Variants in LRBA observed in about 807,000 individuals in gnomAD.
LRBA encodes the protein lipopolysaccharide-responsive and beige-like anchor protein.
A neutral mutation model predicts 330.0 loss-of-function variants in LRBA; 176 were observed. The observed-to-expected ratio is 0.53, with a 90% CI of 0.47 to 0.60. LRBA has a LOEUF of 0.60. LRBA is among the 20% of genes least tolerant of loss of function. The pLI is 0.00. For synonymous variants in LRBA, 1,230 were observed against 1,193.0 expected, an observed-to-expected ratio of 1.03 and a Z score of -0.64; for missense variants, 3,259 against 3,444.8, an observed-to-expected ratio of 0.95 and a Z score of 1.35.
chr4:150,485,019 A>G (rs1409459701), intron 42 of LRBA, among the ~76,000 whole-genome samples: 4 of 151,986 alleles, frequency 2.6e-5, no homozygotes, highest in African/African-American at 9.7e-5. Context: ...ATCTTTCTAA[A>G]CATTTTGAGA....
intron 40 of LRBA, among the ~76,000 whole-genome samples, chr4:150,577,778 A>C (rs115349053): frequency 0.017 from 2,635 of 152,298 alleles, 84 homozygotes; most frequent in African/African-American, 0.059. Flanking sequence ...TAACAAATGC[A>C]CTGACGTTAA....
chr4:150,373,211 C>G (rs542810777), intron 47 of LRBA, among the ~76,000 whole-genome samples: 2 of 146,898 alleles, frequency 1.4e-5, no homozygotes, highest in East Asian at 2.0e-4. Flanking sequence ...GACTATGACC[C>G]AGAGCCACCT....
intron 4 of LRBA, among the ~76,000 whole-genome samples, chr4:150,922,394 G>GTATGTATATA (rs1554000212): frequency 7.2e-6 from 1 of 139,708 alleles, no homozygotes; most frequent in Admixed American, 7.2e-5. Flanking sequence ...AGAAACTGTG[G>GTATGTATATA]TATATATATA....
At chr4:150,569,480 T>C (rs1481374018) in intron 40 of LRBA, among the ~76,000 whole-genome samples, 1 of 152,166 alleles carries the variant, frequency 6.6e-6, no homozygotes, top group Non-Finnish European at 1.5e-5. Context: ...TTTGTTCAGC[T>C]TGCGTAAGTC....
At chr4:150,566,787 C>T (rs1417905122) in intron 40 of LRBA, among the ~76,000 whole-genome samples, 1 of 151,984 alleles carries the variant, frequency 6.6e-6, no homozygotes. Context: ...TAAAAATACA[C>T]AGAAAGTACT....
rs74433395 is a variant in LRBA at position 150,319,223 on chromosome 4, G to A, written c.7630+1968C>T. On this transcript the variant is annotated intron_variant, in intron 50 of 56. Coordinates refer to ENST00000651943, the MANE Select transcript of LRBA (RefSeq NM_001364905.1). The stretch of plus-strand genomic sequence containing the variant: ...GCTCTTCCTAGGCTAAAGTAAAGAT[G>A]GGGGCAGAGTACAGTCAGGGCTTTC... 2.0e-5 allele frequency among the ~76,000 whole-genome samples: 3 copies of A among 152,236 alleles called. No individual in the cohort carries two copies. In the South Asian group the frequency reaches 6.2e-4, roughly 32 times the overall value.
At chr4:150,497,349 GA>G (rs1759712085) in intron 40 of LRBA, among the ~76,000 whole-genome samples, 1 of 151,872 alleles carries the variant, frequency 6.6e-6, no homozygotes, top group Non-Finnish European at 1.5e-5. Context: ...GGTCTTTTTT[GA>G]ATTTGACAAT....
intron 37 of LRBA, among the ~76,000 whole-genome samples, chr4:150,668,223 G>GT (rs1781734942): frequency 6.6e-6 from 1 of 152,224 alleles, no homozygotes; most frequent in Non-Finnish European, 1.5e-5. Context: ...CCAAAACCCA[G>GT]TATGTGCCAA....
chr4:150,494,057 C>A (rs971432127), intron 40 of LRBA, among the ~76,000 whole-genome samples: 1 of 151,944 alleles, frequency 6.6e-6, no homozygotes, highest in Non-Finnish European at 1.5e-5. Context: ...GCACTCCAGC[C>A]TGGGCAACAA....
chr4:150,452,917 T>C (rs1753567856), intron 44 of LRBA, among the ~76,000 whole-genome samples: 1 of 152,174 alleles, frequency 6.6e-6, no homozygotes, highest in East Asian at 1.9e-4. Context: ...TTCTATATAC[T>C]GGCAACAAAC....
chr4:150,295,809 C>T (rs908431497), intron 53 of LRBA, among the ~76,000 whole-genome samples: 4 of 152,146 alleles, frequency 2.6e-5, no homozygotes, highest in African/African-American at 9.7e-5. Context: ...TTTGTTAATG[C>T]CTGTACAGGA....
Position 150,487,745 on chromosome 4 carries a change from A to G in LRBA, c.6538T>C (p.Leu2180=). The G allele has an allele frequency of 6.3e-7, 1 of 1,596,376 alleles. No homozygotes were observed. Among genetic ancestry groups the G allele is most frequent in the African/African-American group, 1.3e-5 (1 of 74,668 alleles). ...ATAAAACAGTACCTGGTTTGAGGCAATCCAAAACTTGTTCCAACGCCAACA... is the reference window on the plus strand; with the variant it reads ...ATAAAACAGTACCTGGTTTGAGGCAGTCCAAAACTTGTTCCAACGCCAACA... ...PRVGVGTSFG[L]PQTRRISLAS... is the part of the protein sequence containing the mutation. The change falls in exon 42 of 57, where the codon TTG becomes CTG. Residue 2180 remains leucine (L), a synonymous_variant. Transcript: ENST00000651943.
chr4:150,441,220 C>T (rs1751796710), intron 44 of LRBA, among the ~76,000 whole-genome samples: 2 of 151,904 alleles, frequency 1.3e-5, no homozygotes, highest in South Asian at 2.1e-4. Context: ...TAGGAAAGAC[C>T]GTGATTAAAC....
rs1440366853 is a variant in LRBA, at chr4:150,321,358, A to G, written c.7463T>C (p.Met2488Thr). 3.1e-6 allele frequency: 5 copies of G among 1,597,554 alleles called. No homozygotes were observed. In the South Asian group the frequency reaches 4.5e-5, roughly 15 times the overall value. The change falls in exon 50 of 57, where the codon ATG (methionine) becomes ACG (threonine). Residue 2488 changes from methionine (M) to threonine (T), a missense_variant. By Grantham distance (81) the Met-to-Thr change is moderately conservative. Transcript: ENST00000651943. This position sits in a 1 kb window ranked among gnomAD's most constrained non-coding sequence, Gnocchi z 4.5. ...ATCCTGCTGGGCTTTGTCTGTGAAC[A>G]TCAATGGACTCTGCAGGAGGAGATA... The part of the protein sequence containing the change: ...RGSAMQVSPL[M>T]FTDKAQQDVI...
At chr4:150,647,883 G>A (rs1298867507) in intron 37 of LRBA, among the ~76,000 whole-genome samples, 9 of 151,550 alleles carry the variant, frequency 5.9e-5, no homozygotes, top group East Asian at 1.9e-4. Flanking sequence ...TTATTAATAC[G>A]TCTTTCTCAT....
At chr4:150,877,535 G>A (rs569165463) in intron 17 of LRBA, among the ~76,000 whole-genome samples, 68 of 152,178 alleles carry the variant, frequency 4.5e-4, no homozygotes, top group South Asian at 3.5e-3. Context: ...ATAAAACAAC[G>A]ACTACGAGAC....
intron 38 of LRBA, among the ~76,000 whole-genome samples, chr4:150,592,396 C>A (rs1434202756): frequency 6.6e-6 from 1 of 150,832 alleles, no homozygotes; most frequent in Non-Finnish European, 1.5e-5. Flanking sequence ...ATATTTATTG[C>A]GAATTCACCA....
chr4:150,765,254 G>C (rs926574586), intron 34 of LRBA, among the ~76,000 whole-genome samples: 1 of 152,036 alleles, frequency 6.6e-6, no homozygotes, highest in African/African-American at 2.4e-5. Flanking sequence ...CGTGTTTATA[G>C]GGGTTAGTGG....
Position 150,466,565 on chromosome 4 carries a change from A to G in LRBA, c.6780+1108T>C, listed in dbSNP as rs140658828. On this transcript the variant is annotated intron_variant, in intron 44 of 56. Transcript: ENST00000651943. The stretch of plus-strand genomic sequence containing the variant: ...TAACAGCAAGAAATCTGGTGTTTTG[A>G]GAATGTAAGAGTGACATACAGGAAT... Among the ~76,000 whole-genome samples, 1,158 of 152,248 alleles carry G rather than the reference A, an allele frequency of 7.6e-3. 3 individuals are homozygous for G. The highest frequency in any genetic ancestry group is 0.012 in the Non-Finnish European group (822 of 67,996).
Sources: gnomAD v4.1 joint callset for allele counts (sites outside exome capture counted in the v4.1 genomes callset) on GRCh38, gnomAD v4.1.1 for gene constraint, Gnocchi (gnomAD v3.1) non-coding constraint, MANE v1.5 for transcripts, NCBI Gene and HGNC (gene_info 2026-07-23, HGNC 2026-07-21) for gene names.